The following IL1RAPL1 variants were observed in gnomAD, a reference collection of about 807,000 sequenced individuals.
IL1RAPL1 encodes the protein interleukin-1 receptor accessory protein-like 1.
Under a neutral mutation model 48.4 loss-of-function variants are expected in IL1RAPL1, and 3 were observed. The observed-to-expected ratio is 0.06, with a 90% CI of 0.03 to 0.16. The LOEUF is 0.16. Among genes scored for constraint, IL1RAPL1 ranks in the 10% least tolerant of loss-of-function variants. The pLI, the probability that IL1RAPL1 is intolerant of heterozygous loss-of-function variation, is 1.00. For missense variants in IL1RAPL1, 349 were observed against 530.6 expected, an observed-to-expected ratio of 0.66 and a Z score of 3.36; for synonymous variants, 185 against 187.7, an observed-to-expected ratio of 0.99 and a Z score of 0.12.
At chrX:28,624,458 A>G (rs931168355) in intron 1 of IL1RAPL1, among the ~76,000 whole-genome samples, 2 of 111,564 alleles carry the variant, frequency 1.8e-5, no homozygotes, top group Non-Finnish European at 3.8e-5. Flanking sequence ...CTTCTATCCA[A>G]CTACCGACTA....
At chrX:29,813,965 C>G (rs1930434320) in intron 6 of IL1RAPL1, among the ~76,000 whole-genome samples, 1 of 111,296 alleles carries the variant, frequency 9.0e-6, no homozygotes, top group African/African-American at 3.3e-5. Flanking sequence ...GTGTATGCAC[C>G]ACATTTTCTT....
intron 2 of IL1RAPL1, among the ~76,000 whole-genome samples, chrX:29,269,862 A>G (rs1932013157): frequency 9.0e-6 from 1 of 111,214 alleles, no homozygotes; most frequent in Non-Finnish European, 1.9e-5. Flanking sequence ...CATCACCACA[A>G]TCAAGACTGT....
chrX:29,530,707 C>T (rs1309509554), intron 5 of IL1RAPL1, among the ~76,000 whole-genome samples: 1 of 111,910 alleles, frequency 8.9e-6, no homozygotes, highest in Admixed American at 9.5e-5. Context: ...GTAAGTGTCT[C>T]ACAGAATCTG....
intron 1 of IL1RAPL1, among the ~76,000 whole-genome samples, chrX:28,737,148 TC>T (rs1935841438): frequency 2.3e-5 from 1 of 42,635 alleles, no homozygotes; most frequent in African/African-American, 8.1e-5. Flanking sequence ...CTTCCTTCCT[TC>T]CTTCCTTCCT....
At chrX:28,741,609 A>G (rs1382219986) in intron 1 of IL1RAPL1, among the ~76,000 whole-genome samples, 1 of 111,891 alleles carries the variant, frequency 8.9e-6, no homozygotes, top group Non-Finnish European at 1.9e-5. Flanking sequence ...ATTTTCCAAG[A>G]GATTCCTTAT....
intron 1 of IL1RAPL1, among the ~76,000 whole-genome samples, chrX:28,716,216 C>T (rs182291979): frequency 8.9e-6 from 1 of 112,012 alleles, no homozygotes; most frequent in Admixed American, 9.5e-5. Flanking sequence ...GTGGCAAACC[C>T]ACAGCCAACA....
chrX:29,831,892 A>G (rs1011180110), intron 6 of IL1RAPL1, among the ~76,000 whole-genome samples: 2 of 111,848 alleles, frequency 1.8e-5, no homozygotes, highest in Non-Finnish European at 3.8e-5. Context: ...TTATTATATA[A>G]GTTTATTAAT....
chrX:29,279,443 A>T (rs980219347), intron 2 of IL1RAPL1, among the ~76,000 whole-genome samples: 5 of 111,861 alleles, frequency 4.5e-5, no homozygotes, highest in African/African-American at 1.6e-4. Context: ...CTCAAAAAAA[A>T]AAAAAAGATT....
chrX:29,380,079 T>C (rs1031689535), intron 3 of IL1RAPL1, among the ~76,000 whole-genome samples: 1 of 111,042 alleles, frequency 9.0e-6, no homozygotes, highest in Non-Finnish European at 1.9e-5. Context: ...CATGTTACCA[T>C]GAAAGACAGA....
At chrX:29,464,499 T>C (rs1371827626) in intron 5 of IL1RAPL1, among the ~76,000 whole-genome samples, 1 of 112,434 alleles carries the variant, frequency 8.9e-6, no homozygotes, top group African/African-American at 3.2e-5. Flanking sequence ...TACTACTAAA[T>C]TTTATACTTT....
At chrX:29,259,917 C>A (rs1013948865) in intron 2 of IL1RAPL1, among the ~76,000 whole-genome samples, 2 of 111,490 alleles carry the variant, frequency 1.8e-5, no homozygotes, top group Non-Finnish European at 3.8e-5. Context: ...ATGTAGACTA[C>A]CCCCCACCAT....
intron 2 of IL1RAPL1, among the ~76,000 whole-genome samples, chrX:28,933,535 G>A (rs982442835): frequency 1.8e-5 from 2 of 111,526 alleles, no homozygotes; most frequent in African/African-American, 3.3e-5. Context: ...AACTTGCTTA[G>A]CAGTGGGGAA....
intron 6 of IL1RAPL1, among the ~76,000 whole-genome samples, chrX:29,673,094 A>G (rs983505682): frequency 4.5e-5 from 5 of 112,207 alleles, no homozygotes; most frequent in African/African-American, 1.6e-4. Context: ...CTGTAGTTGC[A>G]GAATTTTAGA....
chrX:29,198,685 TAATATA>T (rs1930493044), intron 2 of IL1RAPL1, among the ~76,000 whole-genome samples: 1 of 111,701 alleles, frequency 9.0e-6, no homozygotes, highest in Non-Finnish European at 1.9e-5. Context: ...TTGGCCACTT[TAATATA>T]AATATATTCC....
chrX:29,910,228 G>T (rs1372266736), intron 6 of IL1RAPL1, among the ~76,000 whole-genome samples: 2 of 110,658 alleles, frequency 1.8e-5, no homozygotes, highest in African/African-American at 6.6e-5. Context: ...CTTGAGGGTG[G>T]AGGGTAGAGG....
rs180719840 is a variant in IL1RAPL1, at chrX:29,594,207, A to G, written c.704-74223A>G. On this transcript the variant is annotated intron_variant, in intron 5 of 10. Coordinates refer to ENST00000378993, the MANE Select transcript of IL1RAPL1 (RefSeq NM_014271.4). ...AAATCTCAAATCAGTGAAGAATTCC[A>G]TGTCCTCTTACAGGAAAACAGCTCT... is the stretch of plus-strand genomic sequence containing the variant. Among the ~76,000 whole-genome samples, 345 of 112,114 alleles carry G rather than the reference A, an allele frequency of 3.1e-3. 1 individual carries two copies. Among genetic ancestry groups the G allele is most frequent in the Non-Finnish European group, 4.2e-3 (223 of 53,241 alleles).
intron 1 of IL1RAPL1, among the ~76,000 whole-genome samples, chrX:28,756,467 A>G (rs981594258): frequency 9.0e-6 from 1 of 111,404 alleles, no homozygotes; most frequent in Non-Finnish European, 1.9e-5. Flanking sequence ...TAGAAGCAAT[A>G]ATATTTCTCT....
rs778090519 is a variant in IL1RAPL1 at position 29,834,091 on chromosome X, A to T, written c.779-83373A>T. 2.0e-4 allele frequency among the ~76,000 whole-genome samples: 23 copies of T among 112,349 alleles called. No homozygotes were observed. In the South Asian group the frequency reaches 8.5e-3, roughly 42 times the overall value. On this transcript the variant is annotated intron_variant, in intron 6 of 10. Coordinates refer to ENST00000378993, the MANE Select transcript of IL1RAPL1 (RefSeq NM_014271.4). ...AGAAAAATCTTTATTTCAGGATCAC[A>T]AGTGAAGCTTGAATACTTCTTAAAA...
intron 2 of IL1RAPL1, among the ~76,000 whole-genome samples, chrX:29,003,088 A>G (rs1387153749): frequency 9.0e-6 from 1 of 111,342 alleles, no homozygotes; most frequent in African/African-American, 3.3e-5. Context: ...GGGACAGGGT[A>G]GGTGTTAAAA....
Sources: gnomAD v4.1 joint callset for allele counts (sites outside exome capture counted in the v4.1 genomes callset) on GRCh38, gnomAD v4.1.1 for gene constraint, MANE v1.5 for transcripts, NCBI Gene and HGNC (gene_info 2026-07-23, HGNC 2026-07-21) for gene names.